Variants in DYTN observed in about 807,000 individuals in gnomAD.
The protein encoded by DYTN is dystrotelin.
Under a neutral mutation model 69.6 loss-of-function variants are expected in DYTN, and 75 were observed. That is an observed-to-expected ratio of 1.08 (90% CI 0.89 to 1.31). The LOEUF (loss-of-function observed/expected upper bound fraction) is 1.31, where lower values mean the gene tolerates loss of function less well. Among genes scored for constraint, DYTN ranks in the 50% most tolerant of loss-of-function variants. DYTN has a pLI of 0.00. For missense variants in DYTN, 726 were observed against 688.4 expected, an observed-to-expected ratio of 1.05 and a Z score of -0.61; for synonymous variants, 252 against 249.1, an observed-to-expected ratio of 1.01 and a Z score of -0.11.
chr2:206,654,908 G>A (rs1699431056), intron 11 of DYTN, among the ~76,000 whole-genome samples: 1 of 152,118 alleles, frequency 6.6e-6, no homozygotes, highest in African/African-American at 2.4e-5. Context: ...ATAAGATCAT[G>A]GCATATGCAA....
chr2:206,700,539 C>T (rs1487306092), intron 5 of DYTN, among the ~76,000 whole-genome samples: 1 of 151,902 alleles, frequency 6.6e-6, no homozygotes, highest in Non-Finnish European at 1.5e-5. Context: ...TGCCTTTGTT[C>T]ACCTATGAAA....
chr2:206,666,091 C>T, intron 9 of DYTN, 62 bp from the exon 10 acceptor site: 2 of 1,568,600 alleles, frequency 1.3e-6, no homozygotes, highest in Non-Finnish European at 1.7e-6. Context: ...TAATTAGAGC[C>T]CTGGTAAGAT....
intron 11 of DYTN, among the ~76,000 whole-genome samples, chr2:206,655,394 T>A (rs1699436400): frequency 6.6e-6 from 1 of 151,778 alleles, no homozygotes; most frequent in African/African-American, 2.4e-5. Context: ...TATAGGCATG[T>A]GTCACCATGC....
chr2:206,711,099 C>G (rs531688943), intron 1 of DYTN, among the ~76,000 whole-genome samples: 1 of 152,240 alleles, frequency 6.6e-6, no homozygotes, highest in South Asian at 2.1e-4. Flanking sequence ...AGATGGCCAC[C>G]CTTGTGGAGC....
At chr2:206,661,096 T>C (rs933501427) in intron 11 of DYTN, among the ~76,000 whole-genome samples, 2 of 152,046 alleles carry the variant, frequency 1.3e-5, no homozygotes, top group African/African-American at 4.8e-5. Context: ...TAGACATACA[T>C]AGAAGGAAGG....
Position 206,692,519 on chromosome 2 carries a change from A to G in DYTN, c.980+656T>C, listed in dbSNP as rs182394347. ...ATTTTCATTGAATGAGTTTTCCCTT[A>G]ATAAAAACATAAAAATATTTAGATA... is the stretch of plus-strand genomic sequence containing the variant. On this transcript the variant is annotated intron_variant, in intron 9 of 11. Transcript: ENST00000452335. Among the ~76,000 whole-genome samples, 230 of 152,246 alleles carry G rather than the reference A, an allele frequency of 1.5e-3. 1 individual carries two copies. The highest frequency in any genetic ancestry group is 3.9e-3 in the Admixed American group (60 of 15,298).
At chr2:206,674,173 A>T (rs1207758424) in intron 9 of DYTN, among the ~76,000 whole-genome samples, 4 of 152,000 alleles carry the variant, frequency 2.6e-5, no homozygotes, top group Non-Finnish European at 4.4e-5. Flanking sequence ...GATATTATAG[A>T]TTTTCTTAGC....
chr2:206,696,324 T>C (rs1469335304), intron 7 of DYTN, among the ~76,000 whole-genome samples: 1 of 152,224 alleles, frequency 6.6e-6, no homozygotes, highest in African/African-American at 2.4e-5. Flanking sequence ...GGAAAGCTTC[T>C]GAGGCCAGAT....
At chr2:206,667,823 A>G (rs1424237597) in intron 9 of DYTN, among the ~76,000 whole-genome samples, 5 of 152,086 alleles carry the variant, frequency 3.3e-5, no homozygotes, top group Non-Finnish European at 7.3e-5. Context: ...TTATTTGATC[A>G]CTGCTGTTAG....
At chr2:206,714,358 A>G (rs1355661874) in intron 1 of DYTN, among the ~76,000 whole-genome samples, 1 of 151,832 alleles carries the variant, frequency 6.6e-6, no homozygotes, top group Non-Finnish European at 1.5e-5. Context: ...GCACACCACC[A>G]CGCCCGGCTA....
rs1559315781 is a variant in DYTN at position 206,700,146 on chromosome 2, C to T, written c.554G>A (p.Gly185Glu). 3.7e-6 allele frequency: 6 copies of T among 1,613,784 alleles called. No homozygotes were observed. Among genetic ancestry groups the T allele is most frequent in the African/African-American group, 1.3e-5 (1 of 74,896 alleles). The change falls in exon 6 of 12, where the codon GGG becomes GAG. Residue 185 changes from glycine (G) to glutamate (E), a missense_variant and splice_region_variant. Physicochemically the swap from Gly to Glu is moderately conservative, Grantham distance 98 (BLOSUM62 -2). Coordinates refer to ENST00000452335, the MANE Select transcript of DYTN (RefSeq NM_001093730.1). ...CAGGGACATTTGCAAGGCACTCACC[C>T]CTTGGAAACAGCTGCGGGTGGCACT... The part of the protein sequence containing the change: ...VESATRSCFQ[G>E]VLSPAIKEEK...
At chr2:206,694,620 T>G in intron 8 of DYTN, 146 bp downstream of exon 8, 1 of 521,928 alleles carries the variant, frequency 1.9e-6, no homozygotes, top group Non-Finnish European at 3.2e-6. Flanking sequence ...ATATTCAAGG[T>G]GGAGTTTGCC....
intron 9 of DYTN, among the ~76,000 whole-genome samples, chr2:206,666,873 A>C (rs1242403761): frequency 6.6e-6 from 1 of 151,130 alleles, no homozygotes; most frequent in Non-Finnish European, 1.5e-5. Flanking sequence ...ACACACACAC[A>C]CACACACACA....
intron 3 of DYTN, 91 bp from the exon 4 acceptor site, chr2:206,705,964 A>T: frequency 7.1e-7 from 1 of 1,402,030 alleles, no homozygotes; most frequent in Non-Finnish European, 9.9e-7. Context: ...ATTAATGGGC[A>T]TTTCTGATAT....
chr2:206,692,010 C>T (rs1235051356), intron 9 of DYTN, among the ~76,000 whole-genome samples: 1 of 152,020 alleles, frequency 6.6e-6, no homozygotes, highest in African/African-American at 2.4e-5. Flanking sequence ...CATGGTGGCT[C>T]GTGCCTGTAA....
At chr2:206,668,402 G>A (rs1048214271) in intron 9 of DYTN, among the ~76,000 whole-genome samples, 2 of 152,150 alleles carry the variant, frequency 1.3e-5, no homozygotes, top group Non-Finnish European at 2.9e-5. Context: ...ATGCTTATGG[G>A]TTGTTTCTAG....
At chr2:206,687,134 A>T (rs1394602794) in intron 9 of DYTN, 1 of 155,296 alleles carries the variant, frequency 6.4e-6, no homozygotes, top group East Asian at 1.9e-4. Flanking sequence ...CCCTGGCTTC[A>T]TCCTTTCTAT....
At chr2:206,706,331 G>C (rs151266776) in intron 3 of DYTN, among the ~76,000 whole-genome samples, 1 of 152,252 alleles carries the variant, frequency 6.6e-6, no homozygotes, top group East Asian at 1.9e-4. Flanking sequence ...CCCACTTGCT[G>C]TCTAGTTTAC....
chr2:206,685,801 T>TA (rs1699799375), intron 9 of DYTN, among the ~76,000 whole-genome samples: 1 of 152,014 alleles, frequency 6.6e-6, no homozygotes, highest in Non-Finnish European at 1.5e-5. Flanking sequence ...ACTTTGCATT[T>TA]AAATATATTC....
Sources: allele counts gnomAD v4.1 joint callset (sites outside exome capture counted in the v4.1 genomes callset), GRCh38; gene constraint gnomAD v4.1.1; transcripts MANE v1.5; gene names NCBI Gene and HGNC (gene_info 2026-07-23, HGNC 2026-07-21).